CHD8: variants seen among roughly 807,000 people sequenced by gnomAD.
The protein encoded by CHD8 is chromodomain helicase DNA binding protein 8.
In CHD8, 31 loss-of-function variants were observed where a neutral mutation model predicts 279.2. The ratio of observed to expected loss-of-function variants is 0.11; its 90% CI spans 0.08 to 0.15. The LOEUF (loss-of-function observed/expected upper bound fraction) is 0.15, where lower values mean the gene tolerates loss of function less well. Among genes scored for constraint, CHD8 ranks in the 10% least tolerant of loss-of-function variants. CHD8 has a pLI of 1.00. For synonymous variants in CHD8, 1,081 were observed against 1,139.6 expected, an observed-to-expected ratio of 0.95 and a Z score of 1.04; for missense variants, 2,146 against 3,230.5, an observed-to-expected ratio of 0.66 and a Z score of 8.14.
intron 1 of CHD8, among the ~76,000 whole-genome samples, chr14:21,451,238 A>G (rs948396410): frequency 1.3e-5 from 2 of 152,140 alleles, no homozygotes; most frequent in Non-Finnish European, 2.9e-5. Flanking sequence ...ACTGCTTAAA[A>G]TATATTCCTG....
intron 37 of CHD8, among the ~76,000 whole-genome samples, chr14:21,387,661 C>T (rs923114087): frequency 2.5e-5 from 3 of 118,712 alleles, no homozygotes; most frequent in African/African-American, 9.6e-5. Context: ...AAAAAAAAAG[C>T]TGGGTGTGGT....
At chr14:21,421,609 C>T (rs557218990) in intron 5 of CHD8, among the ~76,000 whole-genome samples, 48 of 152,034 alleles carry the variant, frequency 3.2e-4, no homozygotes, top group African/African-American at 1.0e-3. Flanking sequence ...ATTGAAACAC[C>T]GACTTGCCAA....
intron 20 of CHD8, 171 bp from the exon 21 acceptor site, chr14:21,401,684 A>C: frequency 1.7e-6 from 1 of 585,102 alleles, no homozygotes; most frequent in Non-Finnish European, 2.9e-6. Flanking sequence ...CCCTGGGTTC[A>C]AGTGATTCTC....
intron 1 of CHD8, among the ~76,000 whole-genome samples, chr14:21,434,915 C>A (rs185594598): frequency 6.6e-6 from 1 of 152,286 alleles, no homozygotes; most frequent in Admixed American, 6.5e-5. Context: ...CCAAGCTCAT[C>A]TATCTCATGA....
In CHD8 at chr14:21,445,405, G is replaced by T. The variant is rs146352209; in HGVS notation, c.-216+10627C>A. 1.4e-4 allele frequency among the ~76,000 whole-genome samples: 21 copies of T among 150,718 alleles called. No individual in the cohort carries two copies. In the East Asian group the frequency reaches 3.4e-3, roughly 25 times the overall value. ...GCCAAGATGGTGAAACCCTGGCCGG[G>T]CGTGGTGGCTCACATCTGTAATCCC... On this transcript the variant is annotated intron_variant, in intron 1 of 37. Transcript: ENST00000646647.
In CHD8 at chr14:21,441,811, C is replaced by G. The variant is rs1463589318; in HGVS notation, c.-215-9953G>C. 2.6e-5 allele frequency among the ~76,000 whole-genome samples: 4 copies of G among 152,156 alleles called. No individual in the cohort carries two copies. The South Asian group carries it at 6.2e-4, about 24-fold the overall frequency. Reference sequence around the variant, plus strand: ...GGCTGAGGCAGGAGAATGGCATGAACCCGGGAGGCGGAGCTTGCAGTGAGC... The same window carrying G: ...GGCTGAGGCAGGAGAATGGCATGAAGCCGGGAGGCGGAGCTTGCAGTGAGC... On this transcript the variant is annotated intron_variant, in intron 1 of 37. Transcript: ENST00000646647.
At chr14:21,453,891 C>G (rs186759306) in intron 1 of CHD8, among the ~76,000 whole-genome samples, 2,850 of 151,876 alleles carry the variant, frequency 0.019, 38 homozygotes, top group Non-Finnish European at 0.029. Flanking sequence ...AAAAGTGGCT[C>G]ATGCCTGTAA....
chr14:21,438,064 G>GT (rs1373682716), intron 1 of CHD8, among the ~76,000 whole-genome samples: 1 of 151,984 alleles, frequency 6.6e-6, no homozygotes, highest in Non-Finnish European at 1.5e-5. Context: ...AAGTAAACTT[G>GT]TTTTTTCCTT....
At chr14:21,438,400 A>AGTG (rs1889868144) in intron 1 of CHD8, among the ~76,000 whole-genome samples, 1 of 150,438 alleles carries the variant, frequency 6.6e-6, no homozygotes, top group Non-Finnish European at 1.5e-5. Flanking sequence ...GTCCGGGTGC[A>AGTG]GTGGTGGCTC....
At position 21,415,583 on chromosome 14, in the gene CHD8, C is replaced by T; in HGVS notation, c.1959G>A (p.Val653=). 2 of 1,507,238 alleles carry T rather than the reference C, an allele frequency of 1.3e-6. No individual in the cohort carries two copies. The highest frequency in any genetic ancestry group is 4.9e-5 in the East Asian group (2 of 40,438). The allele number at this position is 1,507,238 out of a possible 1,614,324, so 93.4% of individuals were successfully genotyped here. A position where few individuals can be genotyped will look rare whatever the true frequency, so the allele number is the denominator to read the frequency against. The change falls in exon 7 of 38, where the codon GTG becomes GTA. Residue 653 remains valine (V), a synonymous_variant. Coordinates refer to ENST00000646647, the MANE Select transcript of CHD8 (RefSeq NM_001170629.2). The stretch of plus-strand genomic sequence containing the variant: ...AATAAAAAGCCCTCACCTCCTTCTT[C>T]ACAATCCGCATAGAAAGCACTTTGT... ...IVDKVLSMRI[V]KKELPSGQYT... is the part of the protein sequence containing the mutation.
At chr14:21,434,084 C>T (rs1293000825) in intron 1 of CHD8, among the ~76,000 whole-genome samples, 2 of 139,554 alleles carry the variant, frequency 1.4e-5, no homozygotes, top group African/African-American at 5.4e-5. Context: ...TCACTCTTGT[C>T]GCCCAGGCTG....
chr14:21,391,904 C>T lies in CHD8; in HGVS notation c.6814G>A (p.Ala2272Thr), dbSNP rs771914222. The T allele has an allele frequency of 5.0e-6, 8 of 1,613,822 alleles. No individual in the cohort carries two copies. Among genetic ancestry groups the T allele is most frequent in the Non-Finnish European group, 8.5e-7 (1 of 1,179,858 alleles). ...KLTFQKHKLM[A>T]NGVMGDGHPL... ...TGTCCATCTCCCATTACTCCATTCG[C>T]CATCAACTTGTGCTTCTGGAATGTT... The change falls in exon 35 of 38, where the codon GCG (alanine) becomes ACG (threonine). Residue 2272 changes from alanine to threonine, a missense_variant. Transcript: ENST00000646647.
In CHD8 at chr14:21,437,613, C is replaced by A. The variant is rs546863706; in HGVS notation, c.-215-5755G>T. 2.6e-5 allele frequency among the ~76,000 whole-genome samples: 4 copies of A among 152,272 alleles called. No homozygotes were observed. In the East Asian group the frequency reaches 7.7e-4, roughly 29 times the overall value. On this transcript the variant is annotated intron_variant, in intron 1 of 37. Transcript: ENST00000646647. ...TCCGCGCTAGGCCAGCTCCGCCTCCCTCTGAATCCCCGGCCTTCTAGCAGC... is the reference window on the plus strand; with the variant it reads ...TCCGCGCTAGGCCAGCTCCGCCTCCATCTGAATCCCCGGCCTTCTAGCAGC...
rs1449801567 is a variant in CHD8 at position 21,403,781 on chromosome 14, C to A, written c.3308-118G>T. 1.2e-6 allele frequency: 1 copy of A among 868,284 alleles called. No homozygotes were observed. Among genetic ancestry groups the A allele is most frequent in the Non-Finnish European group, 1.8e-6 (1 of 558,438 alleles). The allele number at this position is 868,284 out of a possible 1,614,324, so 53.8% of individuals were successfully genotyped here. ...AATTTGACTTAAGACCAACATTTCT[C>A]ACACACAGAATTTCAGCACAAAAAA... On this transcript the variant is annotated intron_variant, in intron 16 of 37. Transcript: ENST00000646647. This position sits in a 1 kb window ranked among gnomAD's most constrained non-coding sequence, Gnocchi z 4.3.
chr14:21,408,280 A>G lies in CHD8; in HGVS notation c.2730+32T>C, dbSNP rs376863802. 4 of 1,599,980 alleles carry G rather than the reference A, an allele frequency of 2.5e-6. No homozygotes were observed. Among genetic ancestry groups the G allele is most frequent in the Non-Finnish European group, 3.4e-6 (4 of 1,172,840 alleles). On this transcript the variant is annotated intron_variant, in intron 13 of 37. Transcript: ENST00000646647. This position sits in a 1 kb window ranked among gnomAD's most constrained non-coding sequence, Gnocchi z 4.3. ...CCAGGTACCTTGGCCGACTTTCTCTAACTCATAGTATTCCCAAGACATGCA... is the reference window on the plus strand; with the variant it reads ...CCAGGTACCTTGGCCGACTTTCTCTGACTCATAGTATTCCCAAGACATGCA...
rs1469117130 is a variant in CHD8 at position 21,403,218 on chromosome 14, T to A, written c.3519-6A>T. 6.2e-7 allele frequency: 1 copy of A among 1,611,636 alleles called. No homozygotes were observed. Among genetic ancestry groups the A allele is most frequent in the Admixed American group, 1.7e-5 (1 of 59,676 alleles). On this transcript the variant is annotated splice_polypyrimidine_tract_variant and splice_region_variant and intron_variant, in intron 17 of 37. Transcript: ENST00000646647. This position sits in a 1 kb window ranked among gnomAD's most constrained non-coding sequence, Gnocchi z 4.3. ...CAATACGTTCATATAAGTACCTGTA[T>A]GGGAATCGCAGAAAAAAAATGTAAG...
chr14:21,420,851 C>T (rs921427552), intron 5 of CHD8, among the ~76,000 whole-genome samples: 5 of 152,044 alleles, frequency 3.3e-5, no homozygotes, highest in African/African-American at 1.2e-4. Context: ...CAACCTCTGC[C>T]TCCCAGGTTC....
Position 21,405,050 on chromosome 14 carries a change from G to A in CHD8, c.3307+159C>T. The A allele has an allele frequency of 1.5e-6, 1 of 672,102 alleles. No individual in the cohort carries two copies. The highest frequency in any genetic ancestry group is 2.0e-5 in the South Asian group (1 of 49,308). The allele number at this position is 672,102 out of a possible 1,614,324, so 41.6% of individuals were successfully genotyped here. A position where few individuals can be genotyped will look rare whatever the true frequency, so the allele number is the denominator to read the frequency against. The stretch of plus-strand genomic sequence containing the variant: ...TTTCATCATGTTGCCCAGGCTTAGA[G>A]TCTCTTTTTTAAAAGGAGAACCATT... On this transcript the variant is annotated intron_variant, in intron 16 of 37. Coordinates refer to ENST00000646647, the MANE Select transcript of CHD8 (RefSeq NM_001170629.2). This position sits in a 1 kb window ranked among gnomAD's most constrained non-coding sequence, Gnocchi z 4.2.
Position 21,417,853 on chromosome 14 carries a change from A to C in CHD8, c.1717-1946T>G, listed in dbSNP as rs1175434746. Among the ~76,000 whole-genome samples, 12 of 11,766 alleles carry C rather than the reference A, an allele frequency of 1.0e-3. No individual in the cohort carries two copies. The East Asian group carries it at 0.016, about 15-fold the overall frequency. 7.7% of individuals were successfully genotyped at this position (11,766 alleles called of 152,430 possible). On this transcript the variant is annotated intron_variant, in intron 5 of 37. Transcript: ENST00000646647. ...TGGGAGACACAGTGAGACTCTCTCA[A>C]AAAAAAAAAAAAATATATATATATA...
Sources: allele counts gnomAD v4.1 joint callset (sites outside exome capture counted in the v4.1 genomes callset), GRCh38; gene constraint gnomAD v4.1.1; non-coding constraint Gnocchi (gnomAD v3.1); transcripts MANE v1.5; gene names NCBI Gene and HGNC (gene_info 2026-07-23, HGNC 2026-07-21).